GGTA1: variants seen among roughly 807,000 people sequenced by gnomAD.
The protein encoded by GGTA1 is glycoprotein alpha-galactosyltransferase 1 (inactive).
Under a neutral mutation model 2.6 loss-of-function variants are expected in GGTA1, and 5 were observed. That is an observed-to-expected ratio of 1.92 (90% CI 1.00 to 4.04). The LOEUF is 4.04. Ranked by LOEUF, GGTA1 falls within the 30% of genes most tolerant of loss-of-function variation. GGTA1 has a pLI of 0.00. For synonymous variants in GGTA1, 17 were observed against 5.0 expected, an observed-to-expected ratio of 3.38 and a Z score of -3.19; for missense variants, 50 against 16.7, an observed-to-expected ratio of 2.99 and a Z score of -3.47.
intron 1 of GGTA1, among the ~76,000 whole-genome samples, chr9:121,489,310 C>T (rs1056028916): frequency 4.6e-5 from 7 of 152,144 alleles, no homozygotes; most frequent in African/African-American, 1.7e-4. Flanking sequence ...GCGATCCTCC[C>T]ACCTTAGCCT....
intron 1 of GGTA1, among the ~76,000 whole-genome samples, chr9:121,499,233 T>A (rs1829055373): frequency 6.6e-6 from 1 of 152,024 alleles, no homozygotes; most frequent in Non-Finnish European, 1.5e-5. Flanking sequence ...CCTTCCTATC[T>A]TGTCCTGGGC....
At chr9:121,492,659 G>C (rs918156054) in intron 1 of GGTA1, among the ~76,000 whole-genome samples, 1 of 151,614 alleles carries the variant, frequency 6.6e-6, no homozygotes, top group Non-Finnish European at 1.5e-5. Flanking sequence ...TTTTAGTAGA[G>C]ACGGGGATTT....
At chr9:121,463,272 T>A (rs72762135) in intron 3 of GGTA1, 21 bp downstream of exon 3, 111 of 451,930 alleles carry the variant, frequency 2.5e-4, no homozygotes, top group Admixed American at 1.0e-3. Flanking sequence ...CCCCTAGAAA[T>A]CTAGAATTCA....
intron 5 of GGTA1, among the ~76,000 whole-genome samples, chr9:121,459,041 T>C (rs1192277088): frequency 6.6e-6 from 1 of 152,230 alleles, no homozygotes; most frequent in Non-Finnish European, 1.5e-5. Context: ...TCAAATGACA[T>C]ATGGGAAGCC....
intron 1 of GGTA1, among the ~76,000 whole-genome samples, chr9:121,498,784 C>T (rs975790506): frequency 2.0e-5 from 3 of 152,202 alleles, no homozygotes; most frequent in Non-Finnish European, 4.4e-5. Context: ...TCACACCCTC[C>T]GCGCCTCCCA....
intron 5 of GGTA1, among the ~76,000 whole-genome samples, chr9:121,459,805 C>T (rs371006401): frequency 1.7e-4 from 26 of 152,322 alleles, no homozygotes; most frequent in African/African-American, 6.0e-4. Context: ...TTCACAGTAA[C>T]GACCCCTGTG....
At chr9:121,496,670 T>C (rs567825227) in intron 1 of GGTA1, among the ~76,000 whole-genome samples, 6 of 130,382 alleles carry the variant, frequency 4.6e-5, no homozygotes, top group Non-Finnish European at 7.7e-5. Flanking sequence ...AGGCAAAGGT[T>C]GCAGTGAGCC....
At chr9:121,493,061 G>C (rs1266813022) in intron 1 of GGTA1, among the ~76,000 whole-genome samples, 1 of 151,870 alleles carries the variant, frequency 6.6e-6, no homozygotes, top group African/African-American at 2.4e-5. Flanking sequence ...TTGAACCTGG[G>C]AGGTGGAGGT....
chr9:121,495,242 C>T (rs946327444), intron 1 of GGTA1, among the ~76,000 whole-genome samples: 1 of 151,464 alleles, frequency 6.6e-6, no homozygotes, highest in African/African-American at 2.4e-5. Flanking sequence ...AAATAAACTT[C>T]TGGAAAGAGT....
At chr9:121,453,353 G>A (rs1385742962), downstream of GGTA1, among the ~76,000 whole-genome samples, 1 of 152,230 alleles carries the variant, frequency 6.6e-6, no homozygotes, top group South Asian at 2.1e-4. Flanking sequence ...AATGGGACTT[G>A]GCAAGGCCAA....
At chr9:121,466,021 T>G (rs943648675) in intron 2 of GGTA1, among the ~76,000 whole-genome samples, 8 of 152,050 alleles carry the variant, frequency 5.3e-5, no homozygotes, top group Non-Finnish European at 1.2e-4. Flanking sequence ...GCTCAAGTGA[T>G]CCTCCCACCT....
At chr9:121,478,649 T>C (rs1418623983) in intron 1 of GGTA1, among the ~76,000 whole-genome samples, 2 of 152,206 alleles carry the variant, frequency 1.3e-5, no homozygotes, top group African/African-American at 2.4e-5. Context: ...TTTTTCATTA[T>C]AAGGGTCAGA....
intron 1 of GGTA1, among the ~76,000 whole-genome samples, chr9:121,480,644 C>A (rs1210241765): frequency 6.6e-6 from 1 of 152,174 alleles, no homozygotes; most frequent in African/African-American, 2.4e-5. Context: ...CCTCCCGTTC[C>A]CCAGAAGGAA....
At chr9:121,466,166 C>T (rs1312534491) in intron 2 of GGTA1, among the ~76,000 whole-genome samples, 1 of 152,184 alleles carries the variant, frequency 6.6e-6, no homozygotes, top group Non-Finnish European at 1.5e-5. Context: ...GCAATCTGTC[C>T]TCCTTGGCCT....
intron 7 of GGTA1, among the ~76,000 whole-genome samples, chr9:121,449,859 A>AAAAAG (rs1554835872): frequency 7.5e-6 from 1 of 133,260 alleles, no homozygotes; most frequent in African/African-American, 2.7e-5. Context: ...AAAAAAAAAA[A>AAAAAG]GAAGAAGAAG....
chr9:121,472,311 T>A (rs1223050854), intron 1 of GGTA1, among the ~76,000 whole-genome samples: 9 of 152,214 alleles, frequency 5.9e-5, no homozygotes, highest in Non-Finnish European at 4.4e-5. Context: ...ATTGTGGACC[T>A]CTACTGGATC....
chr9:121,467,263 A>G (rs1238914030), intron 2 of GGTA1, among the ~76,000 whole-genome samples: 1 of 152,190 alleles, frequency 6.6e-6, no homozygotes, highest in African/African-American at 2.4e-5. Context: ...GGGTGAATCC[A>G]TAGATGAATT....
At chr9:121,459,094 A>G (rs2064938398) in intron 5 of GGTA1, among the ~76,000 whole-genome samples, 2 of 152,224 alleles carry the variant, frequency 1.3e-5, no homozygotes, top group South Asian at 4.1e-4. Context: ...CCTTATCCCC[A>G]AACAATAAGA....
At chr9:121,471,600 T>C (rs1828392076) in intron 1 of GGTA1, among the ~76,000 whole-genome samples, 1 of 152,186 alleles carries the variant, frequency 6.6e-6, no homozygotes, top group Admixed American at 6.5e-5. Flanking sequence ...AAGTGAGCTC[T>C]GTTTGGAAAC....
Sources: allele counts gnomAD v4.1 joint callset (sites outside exome capture counted in the v4.1 genomes callset), GRCh38; gene constraint gnomAD v4.1.1; transcripts MANE v1.5; gene names NCBI Gene and HGNC (gene_info 2026-07-23, HGNC 2026-07-21).